Variants in CTSB observed in about 807,000 individuals in gnomAD.
CTSB encodes the protein cathepsin B, also known as APP secretase.
In CTSB, 57 loss-of-function variants were observed where a neutral mutation model predicts 44.3. The ratio of observed to expected loss-of-function variants is 1.29; its 90% CI spans 1.04 to 1.60. CTSB has a LOEUF of 1.60. Among genes scored for constraint, CTSB ranks in the 40% most tolerant of loss-of-function variants. CTSB has a pLI of 0.00. For synonymous variants in CTSB, 320 were observed against 168.0 expected (o/e 1.91, Z -7.00); for missense variants, 768 against 443.0 (o/e 1.73, Z -6.59).
At position 11,860,653 on chromosome 8, in the gene CTSB, CAA is replaced by C. The variant is rs367639577; in HGVS notation, c.-25-7176_-25-7175del. On this transcript the variant is annotated intron_variant, in intron 1 of 9. Transcript: ENST00000353047. ...AAAACAAAACAAAACAAAACAAAAA[CAA>C]AAGTCAAGTGCTTACATTTTGCCAG... Among the ~76,000 whole-genome samples, 25 of 152,154 alleles carry C rather than the reference CAA, an allele frequency of 1.6e-4. No homozygotes were observed. The East Asian group carries it at 3.5e-3, about 21-fold the overall frequency.
chr8:11,864,934 T>C (rs1340878074), intron 1 of CTSB, among the ~76,000 whole-genome samples: 1 of 149,224 alleles, frequency 6.7e-6, no homozygotes, highest in African/African-American at 2.5e-5. Context: ...AAGAAAAAAA[T>C]GTCTAAACAC....
Position 11,844,877 on chromosome 8 carries a change from C to T in CTSB, c.*248G>A. 2.0e-6 allele frequency: 1 copy of T among 509,086 alleles called. No individual in the cohort carries two copies. The highest frequency in any genetic ancestry group is 3.5e-6 in the Non-Finnish European group (1 of 283,290). The allele number at this position is 509,086 out of a possible 1,614,324, so 31.5% of individuals were successfully genotyped here. A position where few individuals can be genotyped will look rare whatever the true frequency, so the allele number is the denominator to read the frequency against. On this transcript the variant is annotated 3_prime_UTR_variant, in exon 10 of 10. Coordinates refer to ENST00000353047, the MANE Select transcript of CTSB (RefSeq NM_001908.5). Reference sequence around the variant, plus strand: ...AGTCAGCTGGGGCAGCAGGTACTCCCTACGGCACTAGTCTACAGGGGGAAG... The same window carrying T: ...AGTCAGCTGGGGCAGCAGGTACTCCTTACGGCACTAGTCTACAGGGGGAAG...
intron 3 of CTSB, among the ~76,000 whole-genome samples, chr8:11,851,937 G>A (rs1014420038): frequency 2.6e-5 from 4 of 152,166 alleles, no homozygotes; most frequent in Admixed American, 2.0e-4. Context: ...AAAGTGCTGG[G>A]ATTACAGGCG....
rs1812553330 is a variant in CTSB, at chr8:11,843,085, AT to A, written c.*2039del. On this transcript the variant is annotated 3_prime_UTR_variant, in exon 10 of 10. Coordinates refer to ENST00000353047, the MANE Select transcript of CTSB (RefSeq NM_001908.5). ...TGCCTCAGCCTCCCAAGTAGCTGGG[AT>A]TACAGGCATGTGCCACCATGCCCAG... 2 of 152,066 alleles carry A rather than the reference AT, an allele frequency of 1.3e-5. No homozygotes were observed. The highest frequency in any genetic ancestry group is 1.5e-5 in the Non-Finnish European group (1 of 68,164). The allele number at this position is 152,066 out of a possible 1,614,324, so 9.4% of individuals were successfully genotyped here.
intron 1 of CTSB, among the ~76,000 whole-genome samples, chr8:11,856,368 A>G (rs895407550): frequency 6.6e-6 from 1 of 152,168 alleles, no homozygotes; most frequent in South Asian, 2.1e-4. Context: ...ACGGTGGCGC[A>G]TGCCTGTAGC....
rs541219056 is a variant in CTSB at position 11,846,802 on chromosome 8, G to A, written c.793+250C>T. Among the ~76,000 whole-genome samples the A allele has an allele frequency of 2.8e-3, 426 of 152,270 alleles. 3 individuals carry two copies. Among genetic ancestry groups the A allele is most frequent in the African/African-American group, 7.6e-3 (315 of 41,558 alleles). ...TGAGCTGGACGCTAATGGATGGGAA[G>A]GAACTAGCCCAGAGGCTCTGGGAGA... On this transcript the variant is annotated intron_variant, in intron 8 of 9. Coordinates refer to ENST00000353047, the MANE Select transcript of CTSB (RefSeq NM_001908.5).
intron 1 of CTSB, among the ~76,000 whole-genome samples, chr8:11,855,334 TAA>T (rs1815330244): frequency 1.3e-5 from 2 of 152,118 alleles, no homozygotes; most frequent in African/African-American, 4.8e-5. Flanking sequence ...GATCTTAATT[TAA>T]AAAGTTTTAT....
intron 3 of CTSB, among the ~76,000 whole-genome samples, chr8:11,852,186 T>G (rs959160400): frequency 1.1e-4 from 16 of 152,016 alleles, no homozygotes; most frequent in Admixed American, 1.0e-3. Context: ...GCCTGGCCAG[T>G]ATGGCGAAAC....
chr8:11,855,375 G>A (rs1815337103), intron 1 of CTSB, among the ~76,000 whole-genome samples: 1 of 152,224 alleles, frequency 6.6e-6, no homozygotes, highest in African/African-American at 2.4e-5. Flanking sequence ...TTGAAAAACA[G>A]GCTGGGTGCG....
At chr8:11,866,879 C>T (rs181455994) in intron 1 of CTSB, among the ~76,000 whole-genome samples, 2 of 152,166 alleles carry the variant, frequency 1.3e-5, no homozygotes, top group Non-Finnish European at 2.9e-5. Flanking sequence ...CTTCGCCTTA[C>T]GTTCCTGAAC....
chr8:11,861,944 A>G (rs753738839), intron 1 of CTSB, among the ~76,000 whole-genome samples: 2 of 152,138 alleles, frequency 1.3e-5, no homozygotes, highest in Non-Finnish European at 2.9e-5. Flanking sequence ...ATGCTGGCTC[A>G]CGCCTGTAAT....
At chr8:11,864,704 C>G (rs770547476) in intron 1 of CTSB, among the ~76,000 whole-genome samples, 1 of 152,066 alleles carries the variant, frequency 6.6e-6, no homozygotes, top group Non-Finnish European at 1.5e-5. Flanking sequence ...CACCTGTAAT[C>G]CCAACACTTT....
chr8:11,855,816 G>C (rs954965508), intron 1 of CTSB, among the ~76,000 whole-genome samples: 2 of 151,980 alleles, frequency 1.3e-5, no homozygotes, highest in African/African-American at 4.8e-5. Context: ...TCAGGAGTTT[G>C]AGACCAGCCT....
In CTSB at chr8:11,851,250, C is replaced by T. The variant is rs1158844665; in HGVS notation, c.213-270G>A. Reference sequence around the variant, plus strand: ...TGTCATCCAGGCTGGAGTGCAGTGGCGAGATCTCTGCCCACTGCAACCTCT... The same window carrying T: ...TGTCATCCAGGCTGGAGTGCAGTGGTGAGATCTCTGCCCACTGCAACCTCT... On this transcript the variant is annotated intron_variant, in intron 3 of 9. Transcript: ENST00000353047. Among the ~76,000 whole-genome samples the T allele has an allele frequency of 3.9e-5, 6 of 152,040 alleles. No homozygotes were observed. In the South Asian group the frequency reaches 6.2e-4, roughly 16 times the overall value.
At chr8:11,865,724 C>G (rs1343686616) in intron 1 of CTSB, 1 of 151,308 alleles carries the variant, frequency 6.6e-6, no homozygotes, top group African/African-American at 2.4e-5. Context: ...AAGAAAATTA[C>G]CCCTCCACCG....
intron 4 of CTSB, 86 bp downstream of exon 4, chr8:11,850,780 T>A (rs1814442031): frequency 2.3e-6 from 2 of 884,718 alleles, no homozygotes; most frequent in Non-Finnish European, 3.5e-6. Flanking sequence ...CTTGTCAGAG[T>A]TGTCCCCACC....
intron 1 of CTSB, among the ~76,000 whole-genome samples, chr8:11,854,354 C>T (rs1034335624): frequency 5.3e-5 from 8 of 152,126 alleles, no homozygotes; most frequent in African/African-American, 1.2e-4. Flanking sequence ...CACAGGACTG[C>T]GGTGTCAGTG....
At chr8:11,857,536 G>C (rs1815704029) in intron 1 of CTSB, among the ~76,000 whole-genome samples, 1 of 152,126 alleles carries the variant, frequency 6.6e-6, no homozygotes, top group African/African-American at 2.4e-5. Context: ...CGTTTCCATG[G>C]CAACTTGAAT....
chr8:11,862,762 G>A (rs1221583553), intron 1 of CTSB, among the ~76,000 whole-genome samples: 1 of 152,260 alleles, frequency 6.6e-6, no homozygotes, highest in Non-Finnish European at 1.5e-5. Flanking sequence ...CAGAGTCCAG[G>A]TCAGCACGTC....
Sources: gnomAD v4.1 joint callset for allele counts (sites outside exome capture counted in the v4.1 genomes callset) on GRCh38, gnomAD v4.1.1 for gene constraint, MANE v1.5 for transcripts, NCBI Gene and HGNC (gene_info 2026-07-23, HGNC 2026-07-21) for gene names.